SLC24A4: variants seen among roughly 807,000 people sequenced by gnomAD.
SLC24A4 encodes the protein solute carrier family 24 member 4, also known as sodium/potassium/calcium exchanger 4.
SLC24A4 carries 53 observed loss-of-function variants against 79.0 expected under a neutral mutation model. The observed-to-expected ratio is 0.67, with a 90% CI of 0.54 to 0.84. The LOEUF (loss-of-function observed/expected upper bound fraction) is 0.84, where lower values mean the gene tolerates loss of function less well. SLC24A4 is among the 40% of genes least tolerant of loss of function. The probability of loss-of-function intolerance (pLI) is 0.00; values close to 1 mark genes in which losing one functional copy is unlikely to be tolerated. For missense variants in SLC24A4, 731 were observed against 822.0 expected, an observed-to-expected ratio of 0.89 and a Z score of 1.35; for synonymous variants, 323 against 323.8, an observed-to-expected ratio of 1.00 and a Z score of 0.03.
chr14:92,372,987 CTCTCTCT>C, intron 2 of SLC24A4, among the ~76,000 whole-genome samples: 1 of 134,156 alleles, frequency 7.5e-6, no homozygotes, highest in South Asian at 2.5e-4. Flanking sequence ...CTCCCTCTCC[CTCTCTCT>C]CTCTTCTTTC....
At chr14:92,356,872 C>T (rs1347860931) in intron 2 of SLC24A4, among the ~76,000 whole-genome samples, 1 of 152,194 alleles carries the variant, frequency 6.6e-6, no homozygotes, top group Non-Finnish European at 1.5e-5. Flanking sequence ...AACACTAAGC[C>T]AGACCCCCTC....
At chr14:92,379,908 C>T (rs1348843317) in intron 2 of SLC24A4, among the ~76,000 whole-genome samples, 1 of 152,160 alleles carries the variant, frequency 6.6e-6, no homozygotes, top group African/African-American at 2.4e-5. Flanking sequence ...CCTCCCTCTC[C>T]CCTCTCCACC....
chr14:92,458,920 G>A (rs1433256132), intron 12 of SLC24A4, among the ~76,000 whole-genome samples: 1 of 152,134 alleles, frequency 6.6e-6, no homozygotes, highest in Non-Finnish European at 1.5e-5. Context: ...GGAAACAGCC[G>A]AGCTTATGAG....
chr14:92,337,218 A>G (rs556633227), intron 2 of SLC24A4, among the ~76,000 whole-genome samples: 8 of 152,322 alleles, frequency 5.3e-5, no homozygotes, highest in Admixed American at 2.6e-4. Context: ...GGTCTCCCCA[A>G]TTAGCAGGCT....
At chr14:92,493,367 C>T in intron 16 of SLC24A4, 109 bp from the exon 17 acceptor site, 2 of 1,355,970 alleles carry the variant, frequency 1.5e-6, no homozygotes, top group Non-Finnish European at 2.0e-6. Context: ...CACTTGCCCA[C>T]ATTCTGCAGA....
chr14:92,409,837 C>T (rs1325378436), intron 2 of SLC24A4, among the ~76,000 whole-genome samples: 1 of 152,114 alleles, frequency 6.6e-6, no homozygotes, highest in African/African-American at 2.4e-5. Flanking sequence ...ACACATACAC[C>T]ATGGAATACT....
At chr14:92,478,272 G>A (rs1012246382) in intron 12 of SLC24A4, among the ~76,000 whole-genome samples, 3 of 152,154 alleles carry the variant, frequency 2.0e-5, no homozygotes, top group Non-Finnish European at 4.4e-5. Context: ...TATAGTTGTA[G>A]CTCTTATATT....
At chr14:92,424,587 C>T (rs1485909862) in intron 2 of SLC24A4, among the ~76,000 whole-genome samples, 1 of 151,798 alleles carries the variant, frequency 6.6e-6, no homozygotes, top group African/African-American at 2.4e-5. Flanking sequence ...TCTGGATGGG[C>T]ATGGTGGCTG....
chr14:92,493,353 G>A (rs757645548), intron 16 of SLC24A4, 123 bp from the exon 17 acceptor site: 30 of 1,207,148 alleles, frequency 2.5e-5, no homozygotes, highest in Admixed American at 1.6e-4. Flanking sequence ...GCAGCACCCC[G>A]CTACACTTGC....
intron 2 of SLC24A4, among the ~76,000 whole-genome samples, chr14:92,407,857 TTGTGTGTGTGTGTG>T (rs60398538): frequency 0.02 from 2,864 of 143,664 alleles, 101 homozygotes; most frequent in African/African-American, 0.065. Context: ...CAGAGTGATA[TTGTGTGTGTGTGTG>T]TGTGTGTGTG....
chr14:92,439,322 C>G lies in SLC24A4; in HGVS notation c.319-13C>G. The G allele has an allele frequency of 1.2e-6, 2 of 1,611,418 alleles. No homozygotes were observed. Among genetic ancestry groups the G allele is most frequent in the Non-Finnish European group, 8.5e-7 (1 of 1,177,788 alleles). Reference sequence around the variant, plus strand: ...CCCTCACCGACCCTGCCTGTCTCCTCTCTCCTTTGCAGGCTCTGTATATGT... The same window carrying G: ...CCCTCACCGACCCTGCCTGTCTCCTGTCTCCTTTGCAGGCTCTGTATATGT... On this transcript the variant is annotated splice_polypyrimidine_tract_variant and intron_variant, in intron 3 of 16. Transcript: ENST00000532405.
intron 12 of SLC24A4, among the ~76,000 whole-genome samples, chr14:92,470,548 A>T (rs1460217153): frequency 6.6e-6 from 1 of 152,110 alleles, no homozygotes; most frequent in Non-Finnish European, 1.5e-5. Context: ...CACATAATTA[A>T]ATTGTAATTT....
chr14:92,497,261 C>T lies in SLC24A4; in HGVS notation c.*3633C>T, dbSNP rs1895961074. On this transcript the variant is annotated 3_prime_UTR_variant, in exon 17 of 17. Transcript: ENST00000532405. ...TGTCTATCACCCAAGGGCAGTCCTA[C>T]AGACCCTGACCAAAGGCCGTTCCTG... The T allele has an allele frequency of 6.6e-6, 1 of 152,318 alleles. No individual in the cohort carries two copies. The highest frequency in any genetic ancestry group is 6.5e-5 in the Admixed American group (1 of 15,284). 9.4% of individuals were successfully genotyped at this position (152,318 alleles called of 1,614,324 possible).
intron 12 of SLC24A4, among the ~76,000 whole-genome samples, chr14:92,458,740 A>C (rs1026420345): frequency 4.6e-5 from 7 of 152,194 alleles, no homozygotes; most frequent in Admixed American, 3.3e-4. Context: ...TACAGCCCCA[A>C]GTTATCGCAC....
intron 2 of SLC24A4, among the ~76,000 whole-genome samples, chr14:92,432,770 G>C (rs1407236879): frequency 6.6e-6 from 1 of 152,148 alleles, no homozygotes. Flanking sequence ...GAGAGAATCA[G>C]ATCTGAAAAA....
At chr14:92,396,899 G>T (rs1889809723) in intron 2 of SLC24A4, among the ~76,000 whole-genome samples, 1 of 151,928 alleles carries the variant, frequency 6.6e-6, no homozygotes, top group Non-Finnish European at 1.5e-5. Flanking sequence ...ATACATATGG[G>T]ATTATAGGGC....
intron 2 of SLC24A4, among the ~76,000 whole-genome samples, chr14:92,342,606 C>T (rs1205060754): frequency 6.6e-6 from 1 of 152,144 alleles, no homozygotes; most frequent in Non-Finnish European, 1.5e-5. Context: ...TGGTCTCGAA[C>T]TCCCGACCTC....
chr14:92,458,999 G>C (rs1330289846), intron 12 of SLC24A4, among the ~76,000 whole-genome samples: 1 of 152,178 alleles, frequency 6.6e-6, no homozygotes, highest in African/African-American at 2.4e-5. Context: ...CCCTTGAAGT[G>C]GGTGGCAGAA....
chr14:92,362,953 C>T (rs1424862517), intron 2 of SLC24A4, among the ~76,000 whole-genome samples: 1 of 152,222 alleles, frequency 6.6e-6, no homozygotes, highest in Admixed American at 6.5e-5. Flanking sequence ...AGGGAGCACC[C>T]GAGAAGACGA....
Sources: allele counts gnomAD v4.1 joint callset (sites outside exome capture counted in the v4.1 genomes callset), GRCh38; gene constraint gnomAD v4.1.1; transcripts MANE v1.5; gene names NCBI Gene and HGNC (gene_info 2026-07-23, HGNC 2026-07-21).